The following KLHL6 variants were observed in gnomAD, a reference collection of about 807,000 sequenced individuals.
The protein encoded by KLHL6 is kelch-like protein 6.
Under a neutral mutation model 58.6 loss-of-function variants are expected in KLHL6, and 41 were observed. The observed-to-expected ratio is 0.70, with a 90% CI of 0.55 to 0.91. KLHL6 has a LOEUF of 0.91. Among genes scored for constraint, KLHL6 ranks in the 40% least tolerant of loss-of-function variants. The probability of loss-of-function intolerance (pLI) is 0.00; values close to 1 mark genes in which losing one functional copy is unlikely to be tolerated. For synonymous variants in KLHL6, 338 were observed against 322.7 expected (o/e 1.05, Z -0.51); for missense variants, 714 against 805.6 (o/e 0.89, Z 1.38).
chr3:183,522,663 A>G (rs1473932441), intron 2 of KLHL6: 1 of 152,250 alleles, frequency 6.6e-6, no homozygotes, highest in East Asian at 1.9e-4. Flanking sequence ...CACCTATAAA[A>G]TGAAGCAATT....
intron 3 of KLHL6, among the ~76,000 whole-genome samples, chr3:183,501,072 C>T (rs1408469720): frequency 2.0e-5 from 3 of 152,192 alleles, no homozygotes; most frequent in African/African-American, 2.4e-5. Flanking sequence ...GGACCACGGC[C>T]GTAAAGTTTG....
chr3:183,531,482 C>T (rs1360475699), intron 1 of KLHL6, among the ~76,000 whole-genome samples: 2 of 122,102 alleles, frequency 1.6e-5, no homozygotes, highest in Non-Finnish European at 3.2e-5. Context: ...TGGAGTCTCA[C>T]TCTGTCTCCC....
In KLHL6 at chr3:183,492,940, C is replaced by T; in HGVS notation, c.1351-233G>A. ...AGAGCAAGCTGTGTGTTGGGATGTG[C>T]CAGCCTCTCCCGGAATCCAGCTCTC... On this transcript the variant is annotated intron_variant, in intron 5 of 6. Transcript: ENST00000341319. The surrounding 1 kb of genome is among the most constrained non-coding windows in gnomAD (Gnocchi z 5.9). 1 of 516,158 alleles carries T rather than the reference C, an allele frequency of 1.9e-6. No individual in the cohort carries two copies. Among genetic ancestry groups the T allele is most frequent in the Non-Finnish European group, 3.5e-6 (1 of 283,842 alleles). The allele number at this position is 516,158 out of a possible 1,614,324, so 32.0% of individuals were successfully genotyped here. A position where few individuals can be genotyped will look rare whatever the true frequency, so the allele number is the denominator to read the frequency against.
intron 4 of KLHL6, among the ~76,000 whole-genome samples, chr3:183,498,263 G>A (rs567416852): frequency 1.1e-4 from 16 of 152,136 alleles, no homozygotes; most frequent in Admixed American, 4.6e-4. Flanking sequence ...TAAAATAAAC[G>A]TCTACAAGAT....
intron 2 of KLHL6, among the ~76,000 whole-genome samples, chr3:183,514,734 T>A (rs1446277444): frequency 2.6e-5 from 4 of 151,980 alleles, no homozygotes. Flanking sequence ...AGTGGCACGA[T>A]CTCGGCTCAT....
chr3:183,517,256 A>G (rs1469817940), intron 2 of KLHL6, among the ~76,000 whole-genome samples: 1 of 152,188 alleles, frequency 6.6e-6, no homozygotes, highest in Admixed American at 6.5e-5. Flanking sequence ...CCAGCAATAG[A>G]CACTAAAAGT....
chr3:183,496,129 G>A (rs954870332), intron 4 of KLHL6, among the ~76,000 whole-genome samples: 2 of 151,986 alleles, frequency 1.3e-5, no homozygotes, highest in Non-Finnish European at 2.9e-5. Flanking sequence ...GTATATAAAG[G>A]TAAAAAACAA....
At position 183,499,786 on chromosome 3, in the gene KLHL6, C is replaced by A; in HGVS notation, c.951G>T (p.Gln317His). ...ERTKPRMHEF[Q>H]SEVFMIIGGC... The stretch of plus-strand genomic sequence containing the variant: ...CGCCAATGATCATGAACACCTCAGA[C>A]TGGAACTCATGCATCCTGGGCTTGG... The change falls in exon 4 of 7, where the codon CAG becomes CAT. Residue 317 changes from glutamine (Q) to histidine (H), a missense_variant. Physicochemically the swap from Gln to His is conservative, Grantham distance 24 (BLOSUM62 0). Transcript: ENST00000341319. This position sits in a 1 kb window ranked among gnomAD's most constrained non-coding sequence, Gnocchi z 4.6. 1 of 1,605,346 alleles carries A rather than the reference C, an allele frequency of 6.2e-7. No individual in the cohort carries two copies. The highest frequency in any genetic ancestry group is 8.5e-7 in the Non-Finnish European group (1 of 1,176,012).
chr3:183,494,145 G>A lies in KLHL6; in HGVS notation c.1284C>T (p.Gly428=). The A allele has an allele frequency of 6.2e-7, 1 of 1,614,188 alleles. No homozygotes were observed. The part of the protein sequence containing the change: ...VLGGKVYVIG[G]FDGLQRINNV... ...TGTTGATTCTCTGTAAGCCGTCAAA[G>A]CCTCCGATCACATAGACCTTGCCAC... Residue 428 remains glycine, a synonymous_variant, in exon 5 of 7, where the codon GGC becomes GGT. Coordinates refer to ENST00000341319, the MANE Select transcript of KLHL6 (RefSeq NM_130446.4).
At chr3:183,546,303 G>A (rs2108697036) in intron 1 of KLHL6, among the ~76,000 whole-genome samples, 1 of 152,288 alleles carries the variant, frequency 6.6e-6, no homozygotes, top group Non-Finnish European at 1.5e-5. Context: ...CATCTATTCT[G>A]CATATATTGC....
chr3:183,539,582 G>A (rs1712482758), intron 1 of KLHL6, among the ~76,000 whole-genome samples: 1 of 151,996 alleles, frequency 6.6e-6, no homozygotes, highest in African/African-American at 2.4e-5. Context: ...GGTGGCGGGT[G>A]CCTGTAATCT....
intron 3 of KLHL6, 104 bp downstream of exon 3, chr3:183,507,955 A>G (rs947123768): frequency 8.2e-5 from 82 of 1,001,276 alleles, no homozygotes; most frequent in Non-Finnish European, 7.4e-6. Flanking sequence ...TTTTCTCCTT[A>G]ATGCCCTAAG....
At chr3:183,502,849 A>G (rs1717905750) in intron 3 of KLHL6, among the ~76,000 whole-genome samples, 1 of 152,228 alleles carries the variant, frequency 6.6e-6, no homozygotes, top group South Asian at 2.1e-4. Context: ...TAAAGTTTTC[A>G]GTTTGGGGGT....
In KLHL6 at chr3:183,544,988, A is replaced by G. The variant is rs567617883; in HGVS notation, c.293+10373T>C. 9.2e-5 allele frequency among the ~76,000 whole-genome samples: 14 copies of G among 152,234 alleles called. No homozygotes were observed. In the South Asian group the frequency reaches 1.2e-3, roughly 14 times the overall value. On this transcript the variant is annotated intron_variant, in intron 1 of 6. Transcript: ENST00000341319. The stretch of plus-strand genomic sequence containing the variant: ...TCATTTTCCCTCCAGAGCCAAGGCT[A>G]GGAGTCTCATAGCAGCCAATAGGCA...
In KLHL6 at chr3:183,499,386, A is replaced by G. The variant is rs1717805153; in HGVS notation, c.1147+204T>C. Among the ~76,000 whole-genome samples the G allele has an allele frequency of 1.3e-5, 2 of 152,100 alleles. No homozygotes were observed. The highest frequency in any genetic ancestry group is 2.1e-4 in the South Asian group (1 of 4,820). On this transcript the variant is annotated intron_variant, in intron 4 of 6. Transcript: ENST00000341319. The surrounding 1 kb of genome is among the most constrained non-coding windows in gnomAD (Gnocchi z 4.6). ...GAAAAGAAAAGAAAAAAATAGTACA[A>G]TGTTGCTCAGTTTTTTGTTTATTAA...
In KLHL6 at chr3:183,488,453, G is replaced by A. The variant is rs141972487; in HGVS notation, c.*3474C>T. ...CAAGCTCACAAACTCCAGGGCCTCC[G>A]ATATCATTTTCCAGACCTGCATCCT... is the stretch of plus-strand genomic sequence containing the variant. On this transcript the variant is annotated 3_prime_UTR_variant, in exon 7 of 7. Coordinates refer to ENST00000341319, the MANE Select transcript of KLHL6 (RefSeq NM_130446.4). 580 of 152,732 alleles carry A rather than the reference G, an allele frequency of 3.8e-3. 2 individuals carry two copies. The highest frequency in any genetic ancestry group is 6.6e-3 in the Non-Finnish European group (450 of 68,424). The allele number at this position is 152,732 out of a possible 1,614,324, so 9.5% of individuals were successfully genotyped here.
intron 1 of KLHL6, among the ~76,000 whole-genome samples, chr3:183,541,691 C>T (rs1712558498): frequency 6.6e-6 from 1 of 150,820 alleles, no homozygotes; most frequent in African/African-American, 2.5e-5. Context: ...ACAACAAAAA[C>T]AAACAAACAA....
intron 1 of KLHL6, among the ~76,000 whole-genome samples, chr3:183,531,022 G>A (rs532693182): frequency 2.6e-5 from 4 of 151,920 alleles, no homozygotes; most frequent in Non-Finnish European, 5.9e-5. Context: ...AGTAGAGATG[G>A]GGGGTTTCGC....
In KLHL6 at chr3:183,492,456, T is replaced by C; in HGVS notation, c.1564+38A>G. On this transcript the variant is annotated intron_variant, in intron 6 of 6. Coordinates refer to ENST00000341319, the MANE Select transcript of KLHL6 (RefSeq NM_130446.4). The surrounding 1 kb of genome is among the most constrained non-coding windows in gnomAD (Gnocchi z 5.9). ...GTGCTGCAGCCAGGCGCTCATCAGG[T>C]TCTAAGCCATTCAGACCAATAAGAA... The C allele has an allele frequency of 6.2e-7, 1 of 1,607,156 alleles. No homozygotes were observed. The highest frequency in any genetic ancestry group is 8.5e-7 in the Non-Finnish European group (1 of 1,173,952).
Sources: gnomAD v4.1 joint callset for allele counts (sites outside exome capture counted in the v4.1 genomes callset) on GRCh38, gnomAD v4.1.1 for gene constraint, Gnocchi (gnomAD v3.1) non-coding constraint, MANE v1.5 for transcripts, NCBI Gene and HGNC (gene_info 2026-07-23, HGNC 2026-07-21) for gene names.